Variants in CKMT2 observed in about 807,000 individuals in gnomAD.
CKMT2 encodes creatine kinase, mitochondrial 2, also known as creatine kinase S-type, mitochondrial.
CKMT2 carries 43 observed loss-of-function variants against 48.9 expected under a neutral mutation model. The ratio of observed to expected loss-of-function variants is 0.88; its 90% CI spans 0.69 to 1.13. CKMT2 has a LOEUF of 1.13. Among genes scored for constraint, CKMT2 ranks in the 50% most tolerant of loss-of-function variants. CKMT2 has a pLI of 0.00. For missense variants in CKMT2, 472 were observed against 555.4 expected, an observed-to-expected ratio of 0.85 and a Z score of 1.51; for synonymous variants, 206 against 213.0, an observed-to-expected ratio of 0.97 and a Z score of 0.29.
At chr5:81,251,062 G>T (rs1756794662) in intron 1 of CKMT2, 51 bp from the exon 2 acceptor site, 2 of 1,467,034 alleles carry the variant, frequency 1.4e-6, no homozygotes. Flanking sequence ...CCTATGTTGT[G>T]GCTCAGGGTC....
At chr5:81,239,105 C>A (rs1756349027) in intron 1 of CKMT2, 3 of 152,206 alleles carry the variant, frequency 2.0e-5, no homozygotes, top group Non-Finnish European at 4.4e-5. Flanking sequence ...AGGCCGTGAA[C>A]TGGGTGGTTG....
intron 1 of CKMT2, among the ~76,000 whole-genome samples, chr5:81,250,090 G>A (rs1273682293): frequency 6.6e-6 from 1 of 152,170 alleles, no homozygotes; most frequent in Non-Finnish European, 1.5e-5. Flanking sequence ...TCAATTTGAT[G>A]TGTATTTGAG....
rs547543284 is a variant in CKMT2 at position 81,264,081 on chromosome 5, A to C, written c.1140+465A>C. Among the ~76,000 whole-genome samples the C allele has an allele frequency of 3.3e-5, 5 of 152,342 alleles. No individual in the cohort carries two copies. In the South Asian group the frequency reaches 1.0e-3, roughly 32 times the overall value. On this transcript the variant is annotated intron_variant, in intron 9 of 9. Transcript: ENST00000254035. ...TGTTCTTAGATACTCGATGGTTTCT[A>C]AACTTTTATTTCTTAGGCTAAAGAT...
rs546129447 is a variant in CKMT2 at position 81,264,573 on chromosome 5, C to T, written c.1140+957C>T. ...GGTAAAGTACTTGAGGGACATGTAACTATAATACCACAACTTCTGAAATTT... is the reference window on the plus strand; with the variant it reads ...GGTAAAGTACTTGAGGGACATGTAATTATAATACCACAACTTCTGAAATTT... On this transcript the variant is annotated intron_variant, in intron 9 of 9. Coordinates refer to ENST00000254035, the MANE Select transcript of CKMT2 (RefSeq NM_001099735.2). Among the ~76,000 whole-genome samples the T allele has an allele frequency of 9.9e-5, 15 of 152,260 alleles. No individual in the cohort carries two copies. In the South Asian group the frequency reaches 1.9e-3, roughly 19 times the overall value.
chr5:81,247,630 T>G (rs1291843143), intron 1 of CKMT2, among the ~76,000 whole-genome samples: 2 of 152,226 alleles, frequency 1.3e-5, no homozygotes, highest in Non-Finnish European at 2.9e-5. Context: ...TCTGGGTCTT[T>G]GGAGAGCATG....
intron 8 of CKMT2, among the ~76,000 whole-genome samples, chr5:81,259,890 C>G (rs1388309143): frequency 2.6e-5 from 4 of 152,174 alleles, no homozygotes; most frequent in African/African-American, 9.7e-5. Flanking sequence ...ATCTATAGAA[C>G]TATCCACCCA....
At chr5:81,246,774 G>A (rs910020288) in intron 1 of CKMT2, 1 of 152,234 alleles carries the variant, frequency 6.6e-6, no homozygotes, top group African/African-American at 2.4e-5. Flanking sequence ...AATTAGAGTG[G>A]AGGGGATGGT....
chr5:81,254,393 C>T lies in CKMT2; in HGVS notation c.352-3C>T, dbSNP rs190871941. ...GAGGAAACACCCATCTTCCCTCCTG[C>T]AGGTGTTTGCTGACCTTTTTGACCC... On this transcript the variant is annotated splice_polypyrimidine_tract_variant and splice_region_variant and intron_variant, in intron 3 of 9. Coordinates refer to ENST00000254035, the MANE Select transcript of CKMT2 (RefSeq NM_001099735.2). 14 of 1,612,798 alleles carry T rather than the reference C, an allele frequency of 8.7e-6. No homozygotes were observed. The East Asian group carries it at 2.7e-4, about 31-fold the overall frequency.
At chr5:81,257,921 AAAG>A in intron 7 of CKMT2, 65 bp downstream of exon 7, 3 of 1,493,456 alleles carry the variant, frequency 2.0e-6, no homozygotes, top group South Asian at 1.3e-5. Context: ...TTTGTTCTTG[AAAG>A]AAGACACTAT....
At chr5:81,257,096 G>C in intron 6 of CKMT2, 96 bp downstream of exon 6, 3 of 915,104 alleles carry the variant, frequency 3.3e-6, no homozygotes, top group Non-Finnish European at 5.2e-6. Context: ...TACTGCAGTT[G>C]ACAGCATGCC....
chr5:81,254,589 AC>A (rs1183461159), intron 4 of CKMT2, 98 bp downstream of exon 4: 1 of 1,028,740 alleles, frequency 9.7e-7, no homozygotes, highest in Non-Finnish European at 1.5e-6. Context: ...TAAGTCAGAT[AC>A]CCCTGGAAAG....
intron 1 of CKMT2, among the ~76,000 whole-genome samples, chr5:81,240,853 TAC>T (rs1756411608): frequency 6.6e-6 from 1 of 152,354 alleles, no homozygotes; most frequent in African/African-American, 2.4e-5. Context: ...TTATAATAAT[TAC>T]AGTTATCCAA....
In CKMT2 at chr5:81,255,821, T is replaced by TAA. The variant is rs34825989; in HGVS notation, c.669+620_669+621dup. Among the ~76,000 whole-genome samples the TAA allele has an allele frequency of 4.7e-3, 659 of 140,702 alleles. 2 individuals are homozygous for TAA. The highest frequency in any genetic ancestry group is 6.0e-3 in the African/African-American group (232 of 38,666). The allele number at this position is 140,702 out of a possible 152,430, so 92.3% of individuals were successfully genotyped here. A position where few individuals can be genotyped will look rare whatever the true frequency, so the allele number is the denominator to read the frequency against. ...TTCAAAAGTAACAACTTTAAACTCT[T>TAA]AAAAAAAAAAAAAAGCAGAAACAAA... is the stretch of plus-strand genomic sequence containing the variant. On this transcript the variant is annotated intron_variant, in intron 5 of 9. Coordinates refer to ENST00000254035, the MANE Select transcript of CKMT2 (RefSeq NM_001099735.2).
intron 8 of CKMT2, among the ~76,000 whole-genome samples, chr5:81,262,990 C>T (rs2112827787): frequency 6.6e-6 from 1 of 152,242 alleles, no homozygotes; most frequent in East Asian, 1.9e-4. Context: ...GAATACTATG[C>T]AGCCATAAAA....
chr5:81,233,425 T>C lies in CKMT2; in HGVS notation c.-21+48T>C, dbSNP rs575268682. ...GCTTTATTCCTCCAAAGAGGGGTCATGGCTAGAGCCAGTGTGAAGGGCCTT... is the reference window on the plus strand; with the variant it reads ...GCTTTATTCCTCCAAAGAGGGGTCACGGCTAGAGCCAGTGTGAAGGGCCTT... On this transcript the variant is annotated intron_variant, in intron 1 of 9. Transcript: ENST00000254035. 2.0e-5 allele frequency: 20 copies of C among 982,756 alleles called. No individual in the cohort carries two copies. In the South Asian group the frequency reaches 8.5e-4, roughly 42 times the overall value. The allele number at this position is 982,756 out of a possible 1,614,324, so 60.9% of individuals were successfully genotyped here.
At chr5:81,259,356 TTCTC>T in intron 8 of CKMT2, 102 bp downstream of exon 8, 2 of 1,034,158 alleles carry the variant, frequency 1.9e-6, no homozygotes, top group Non-Finnish European at 2.7e-6. Flanking sequence ...AACCCTTACT[TTCTC>T]TATCTACAAT....
At chr5:81,251,717 A>G (rs1031688605) in intron 2 of CKMT2, among the ~76,000 whole-genome samples, 1 of 152,190 alleles carries the variant, frequency 6.6e-6, no homozygotes, top group Non-Finnish European at 1.5e-5. Flanking sequence ...GTAAAACCGA[A>G]AATCATTTTG....
rs750175896 is a variant in CKMT2, at chr5:81,254,978, C to T, written c.448-15C>T. 5.6e-6 allele frequency: 9 copies of T among 1,610,138 alleles called. No individual in the cohort carries two copies. In the Admixed American group the frequency reaches 1.5e-4, roughly 27 times the overall value. ...TCCGAGGCTGGCCACAGTGACCCCA[C>T]AGTCTGCTTGGCAGATCACCCAAGG... is the stretch of plus-strand genomic sequence containing the variant. On this transcript the variant is annotated splice_polypyrimidine_tract_variant and intron_variant, in intron 4 of 9. Transcript: ENST00000254035.
At chr5:81,236,323 C>T (rs1756242745) in intron 1 of CKMT2, among the ~76,000 whole-genome samples, 1 of 152,062 alleles carries the variant, frequency 6.6e-6, no homozygotes, top group African/African-American at 2.4e-5. Context: ...CAGTGAAGGG[C>T]TGTATGTGAG....
Sources: allele counts gnomAD v4.1 joint callset (sites outside exome capture counted in the v4.1 genomes callset), GRCh38; gene constraint gnomAD v4.1.1; transcripts MANE v1.5; gene names NCBI Gene and HGNC (gene_info 2026-07-23, HGNC 2026-07-21).